Variants in SMG1 observed in about 807,000 individuals in gnomAD.
The protein encoded by SMG1 is SMG1 nonsense mediated mRNA decay associated PI3K related kinase.
In SMG1, 22 loss-of-function variants were observed where a neutral mutation model predicts 419.9. That is an observed-to-expected ratio of 0.05 (90% CI 0.04 to 0.07). The LOEUF (loss-of-function observed/expected upper bound fraction) is 0.07. Ranked by LOEUF, SMG1 falls within the 10% of genes least tolerant of loss-of-function variation. The pLI is 1.00. For synonymous variants in SMG1, 1,538 were observed against 1,553.5 expected (o/e 0.99, Z 0.23); for missense variants, 3,185 against 4,342.0 (o/e 0.73, Z 7.49).
chr16:18,869,443 T>C (rs749894948), intron 19 of SMG1, 140 bp from the exon 20 acceptor site: 17 of 698,814 alleles, frequency 2.4e-5, no homozygotes, highest in Non-Finnish European at 3.3e-5. Context: ...TTGAGAAGCA[T>C]TGTGTCCCCC....
intron 55 of SMG1, among the ~76,000 whole-genome samples, chr16:18,819,967 C>CT (rs896371717): frequency 3.1e-4 from 47 of 149,576 alleles, no homozygotes; most frequent in African/African-American, 8.3e-4. Context: ...ACACCAAATT[C>CT]TTTTTTTTTT....
chr16:18,869,399 T>C, intron 19 of SMG1, 96 bp from the exon 20 acceptor site: 1 of 1,107,472 alleles, frequency 9.0e-7, no homozygotes, highest in Non-Finnish European at 1.3e-6. Flanking sequence ...GAACTGTAAT[T>C]TTCCCTACTC....
chr16:18,919,233 A>C (rs537582024), intron 1 of SMG1, among the ~76,000 whole-genome samples: 16 of 151,964 alleles, frequency 1.1e-4, no homozygotes, highest in African/African-American at 3.1e-4. Flanking sequence ...AGGCTGAGGT[A>C]GGAGAATCGC....
intron 1 of SMG1, among the ~76,000 whole-genome samples, chr16:18,901,835 A>C (rs893838629): frequency 1.3e-5 from 2 of 150,906 alleles, no homozygotes; most frequent in African/African-American, 4.9e-5. Context: ...TTAGCCAGGC[A>C]TGGTGACGGG....
intron 7 of SMG1, 134 bp downstream of exon 7, chr16:18,885,407 A>T: frequency 8.6e-7 from 1 of 1,156,188 alleles, no homozygotes; most frequent in Non-Finnish European, 1.3e-6. Flanking sequence ...TGCGGTATTT[A>T]ACCCTGGAAC....
intron 48 of SMG1, 51 bp from the exon 49 acceptor site, chr16:18,835,215 T>A (rs1287723997): frequency 6.6e-7 from 1 of 1,520,806 alleles, no homozygotes; most frequent in African/African-American, 1.4e-5. Context: ...ACCCCCAACA[T>A]ACAAAAGAAT....
At chr16:18,889,134 T>C in intron 6 of SMG1, among the ~76,000 whole-genome samples, 1 of 152,190 alleles carries the variant, frequency 6.6e-6, no homozygotes, top group Non-Finnish European at 1.5e-5. Flanking sequence ...TGTAAGCCAA[T>C]TTCTTAGAAG....
At chr16:18,815,881 CT>C (rs1319909373) in intron 58 of SMG1, 3 of 518,562 alleles carry the variant, frequency 5.8e-6, no homozygotes, top group Non-Finnish European at 1.0e-5. Flanking sequence ...AAGTAATAGC[CT>C]TTTCTGGAGG....
At chr16:18,848,148 T>TG in intron 36 of SMG1, 115 bp from the exon 37 acceptor site, 1 of 848,748 alleles carries the variant, frequency 1.2e-6, no homozygotes, top group Non-Finnish European at 1.9e-6. Flanking sequence ...TGAACTCATT[T>TG]GCCTTCCAGG....
chr16:18,923,187 C>T (rs374744858), intron 1 of SMG1, among the ~76,000 whole-genome samples: 4 of 152,284 alleles, frequency 2.6e-5, no homozygotes, highest in East Asian at 3.9e-4. Context: ...CTATGGAACA[C>T]GGGTTTGCTC....
chr16:18,854,727 G>A lies in SMG1; in HGVS notation c.4412C>T (p.Thr1471Ile). 1.2e-6 allele frequency: 2 copies of A among 1,613,926 alleles called. No homozygotes were observed. The highest frequency in any genetic ancestry group is 1.7e-6 in the Non-Finnish European group (2 of 1,179,868). ...DLVQHFKKLS[T>I]QGQVDEKWGP... is the part of the protein sequence containing the mutation. ...CCATTTTTCATCCACTTGACCTTGG[G>A]TTGATAGTTTTTTAAAATGTTGGAC... The change falls in exon 30 of 63, where the codon ACC (threonine) becomes ATC (isoleucine). Residue 1471 changes from threonine to isoleucine, a missense_variant. Thr to Ile is a moderately conservative substitution (Grantham distance 89). Transcript: ENST00000446231.
At chr16:18,854,044 T>C (rs1326783776) in intron 30 of SMG1, among the ~76,000 whole-genome samples, 177 bp from the exon 31 acceptor site, 1 of 150,892 alleles carries the variant, frequency 6.6e-6, no homozygotes, top group Non-Finnish European at 1.5e-5. Flanking sequence ...GTGCTGAGAT[T>C]GCAGGCATGA....
At chr16:18,832,737 T>C (rs551150287) in intron 51 of SMG1, among the ~76,000 whole-genome samples, 17 of 152,308 alleles carry the variant, frequency 1.1e-4, no homozygotes, top group African/African-American at 4.1e-4. Flanking sequence ...AATACCTGCC[T>C]GCACTTTTTT....
chr16:18,828,244 C>G, intron 54 of SMG1, 76 bp from the exon 55 acceptor site: 2 of 1,435,540 alleles, frequency 1.4e-6, no homozygotes, highest in Non-Finnish European at 1.9e-6. Flanking sequence ...GGAGGCGCAA[C>G]CTAGGACTGG....
At chr16:18,897,569 C>A (rs1004834908) in intron 1 of SMG1, among the ~76,000 whole-genome samples, 19 of 152,146 alleles carry the variant, frequency 1.2e-4, no homozygotes, top group African/African-American at 4.3e-4. Flanking sequence ...TAAAAGGTAT[C>A]AGAAATGCAA....
chr16:18,855,664 C>A (rs1185475386), intron 29 of SMG1, among the ~76,000 whole-genome samples: 2 of 152,128 alleles, frequency 1.3e-5, no homozygotes, highest in African/African-American at 4.8e-5. Flanking sequence ...CCATCACAGA[C>A]TTTACTTTCA....
intron 1 of SMG1, among the ~76,000 whole-genome samples, chr16:18,908,357 TCA>T (rs1366376468): frequency 1.4e-5 from 2 of 139,406 alleles, no homozygotes; most frequent in African/African-American, 5.4e-5. Context: ...AGAGTGAGAC[TCA>T]GTCTCCAAAA....
chr16:18,836,520 G>A lies in SMG1; in HGVS notation c.7617C>T (p.His2539=). ...SHTLQHRYSE[H]TQLQTQQRAV... ...CTCTTTGCTGAGTCTGTAGTTGGGT[G>A]TGCTCAGAATACCTAATCAGGGGGA... is the stretch of plus-strand genomic sequence containing the variant. The change falls in exon 47 of 63, where the codon CAC becomes CAT. Residue 2539 remains histidine (H), a synonymous_variant. Transcript: ENST00000446231. The A allele has an allele frequency of 6.2e-7, 1 of 1,613,428 alleles. No individual in the cohort carries two copies. Among genetic ancestry groups the A allele is most frequent in the East Asian group, 2.2e-5 (1 of 44,888 alleles).
At chr16:18,829,238 C>A in intron 54 of SMG1, 48 bp downstream of exon 54, 1 of 1,466,538 alleles carries the variant, frequency 6.8e-7, no homozygotes, top group South Asian at 1.3e-5. Context: ...CCCCATTTTT[C>A]AAGTTTCCTA....
Sources: gnomAD v4.1 joint callset for allele counts (sites outside exome capture counted in the v4.1 genomes callset) on GRCh38, gnomAD v4.1.1 for gene constraint, MANE v1.5 for transcripts, NCBI Gene and HGNC (gene_info 2026-07-23, HGNC 2026-07-21) for gene names.